The following UPP2 variants were observed in gnomAD, a reference collection of about 807,000 sequenced individuals.
UPP2 encodes the protein UPase 2.
In UPP2, 23 loss-of-function variants were observed where a neutral mutation model predicts 26.7. That is an observed-to-expected ratio of 0.86 (90% CI 0.62 to 1.22). The LOEUF (loss-of-function observed/expected upper bound fraction) is 1.22, where lower values mean the gene tolerates loss of function less well. Ranked by LOEUF, UPP2 falls within the 50% of genes most tolerant of loss-of-function variation. The probability of loss-of-function intolerance (pLI) is 0.00; values close to 1 mark genes in which losing one functional copy is unlikely to be tolerated. For missense variants in UPP2, 387 were observed against 396.7 expected (o/e 0.98, Z 0.21); for synonymous variants, 127 against 141.3 (o/e 0.90, Z 0.72).
intron 3 of UPP2, among the ~76,000 whole-genome samples, chr2:158,016,755 C>T (rs573768134): frequency 3.0e-4 from 45 of 152,174 alleles, no homozygotes; most frequent in Non-Finnish European, 4.6e-4. Flanking sequence ...TGGAGAGATA[C>T]GGAGGATTTC....
intron 2 of UPP2, among the ~76,000 whole-genome samples, chr2:158,001,072 T>G (rs1683397608): frequency 6.6e-6 from 1 of 152,128 alleles, no homozygotes. Context: ...GTGCCAAGAG[T>G]TGCTTGAATT....
Position 158,054,385 on chromosome 2 carries a change from G to GTT in UPP2, c.147+38513_147+38514dup, listed in dbSNP as rs71404330. Among the ~76,000 whole-genome samples the GTT allele has an allele frequency of 7.5e-3, 1,036 of 139,022 alleles. 8 individuals are homozygous for GTT. Among genetic ancestry groups the GTT allele is most frequent in the Middle Eastern group, 0.025 (7 of 276 alleles). The allele number at this position is 139,022 out of a possible 152,430, so 91.2% of individuals were successfully genotyped here. On this transcript the variant is annotated intron_variant, in intron 3 of 9. Transcript: ENST00000605860. ...TTTTTGCTTTGTTGGTTATTTTGAG[G>GTT]TTTTTTTTTTTTTTTAAATCCTTGC...
chr2:158,119,434 T>C (rs762433564), intron 4 of UPP2, among the ~76,000 whole-genome samples: 2 of 152,094 alleles, frequency 1.3e-5, no homozygotes, highest in Admixed American at 6.5e-5. Flanking sequence ...TTGCTTATTT[T>C]CTTTTAAGCA....
At chr2:158,039,743 A>G (rs1329438662) in intron 3 of UPP2, among the ~76,000 whole-genome samples, 1 of 152,234 alleles carries the variant, frequency 6.6e-6, no homozygotes, top group Non-Finnish European at 1.5e-5. Flanking sequence ...CTGCATTTTA[A>G]CCCAGATACT....
chr2:158,060,938 C>CTT (rs1470451491), intron 3 of UPP2, among the ~76,000 whole-genome samples: 7 of 152,176 alleles, frequency 4.6e-5, no homozygotes, highest in Non-Finnish European at 1.5e-5. Context: ...CGGTCTATGG[C>CTT]ATTTTAGTAT....
chr2:158,083,437 C>T (rs1270080394), intron 3 of UPP2, among the ~76,000 whole-genome samples: 1 of 152,172 alleles, frequency 6.6e-6, no homozygotes, highest in South Asian at 2.1e-4. Flanking sequence ...CCATCATTCT[C>T]AGCAAACTAA....
intron 6 of UPP2, chr2:158,126,753 G>C (rs1479162448): frequency 1.3e-5 from 2 of 152,152 alleles, no homozygotes; most frequent in Non-Finnish European, 2.9e-5. Flanking sequence ...TGAAACAGAG[G>C]AAGTTAGAGA....
chr2:157,997,437 G>A (rs1321162603), intron 2 of UPP2, among the ~76,000 whole-genome samples: 3 of 152,144 alleles, frequency 2.0e-5, no homozygotes, highest in Non-Finnish European at 4.4e-5. Context: ...GTAATAAGGA[G>A]AAAGTGGGAC....
intron 3 of UPP2, among the ~76,000 whole-genome samples, chr2:158,020,134 T>A (rs77555955): frequency 0.03 from 4,570 of 152,166 alleles, 215 homozygotes; most frequent in African/African-American, 0.1. Flanking sequence ...TTGTTTTTTT[T>A]AAAAAAAGCC....
intron 1 of UPP2, among the ~76,000 whole-genome samples, chr2:158,102,823 A>G (rs7606259): frequency 0.12 from 18,538 of 152,156 alleles, 2,400 homozygotes; most frequent in African/African-American, 0.32. Flanking sequence ...GCCCATCCCA[A>G]ACAGAGGTAG....
chr2:158,076,942 T>A (rs760863044), intron 3 of UPP2, among the ~76,000 whole-genome samples: 1 of 152,092 alleles, frequency 6.6e-6, no homozygotes, highest in Non-Finnish European at 1.5e-5. Context: ...ACAAGGAAAC[T>A]ATTAGAACTG....
At chr2:158,048,966 C>G (rs1034314746) in intron 3 of UPP2, among the ~76,000 whole-genome samples, 7 of 152,302 alleles carry the variant, frequency 4.6e-5, no homozygotes, top group East Asian at 3.9e-4. Context: ...TTGACCATCT[C>G]TCCTTTCTCC....
intron 3 of UPP2, among the ~76,000 whole-genome samples, chr2:158,059,115 T>C (rs1682309900): frequency 6.6e-6 from 1 of 152,220 alleles, no homozygotes; most frequent in Admixed American, 6.5e-5. Flanking sequence ...TGATTAAAGA[T>C]ATCCATGTTC....
chr2:158,080,358 A>C (rs1574279381), intron 3 of UPP2, among the ~76,000 whole-genome samples: 1 of 152,154 alleles, frequency 6.6e-6, no homozygotes, highest in East Asian at 1.9e-4. Context: ...TTGGCTTTAA[A>C]ACAATTATCC....
At chr2:158,065,663 T>G in intron 3 of UPP2, 2 of 584,156 alleles carry the variant, frequency 3.4e-6, no homozygotes, top group Non-Finnish European at 6.5e-6. Context: ...ACTTAAGAAG[T>G]ATGGAGTTTT....
At chr2:158,077,020 C>A (rs938698541) in intron 3 of UPP2, among the ~76,000 whole-genome samples, 1 of 151,892 alleles carries the variant, frequency 6.6e-6, no homozygotes, top group African/African-American at 2.4e-5. Context: ...TTTCTATATG[C>A]CAACAGTGAA....
chr2:158,109,932 ATAT>A lies in UPP2; in HGVS notation c.180+3720_180+3722del, dbSNP rs370346556. Among the ~76,000 whole-genome samples the A allele has an allele frequency of 1.1e-4, 17 of 152,320 alleles. No individual in the cohort carries two copies. The East Asian group carries it at 2.9e-3, about 26-fold the overall frequency. ...AACTGAGGAAAAATGAAAATACAAC[ATAT>A]TATATCTACAGAATGTGGGTAGAGT... is the stretch of plus-strand genomic sequence containing the variant. On this transcript the variant is annotated intron_variant, in intron 2 of 6. Transcript: ENST00000005756.
intron 3 of UPP2, among the ~76,000 whole-genome samples, chr2:158,034,923 C>T (rs1286795420): frequency 6.6e-6 from 1 of 152,132 alleles, no homozygotes; most frequent in Admixed American, 6.5e-5. Flanking sequence ...ATAAAGTGCA[C>T]ATCAGAAGCC....
intron 3 of UPP2, among the ~76,000 whole-genome samples, chr2:158,061,457 A>C (rs1682350648): frequency 6.6e-6 from 1 of 152,250 alleles, no homozygotes; most frequent in Non-Finnish European, 1.5e-5. Flanking sequence ...CATACATTTG[A>C]GAAAACACTG....
Sources: allele counts gnomAD v4.1 joint callset (sites outside exome capture counted in the v4.1 genomes callset), GRCh38; gene constraint gnomAD v4.1.1; transcripts MANE v1.5; gene names NCBI Gene and HGNC (gene_info 2026-07-23, HGNC 2026-07-21).